The following SDK1 variants were observed in gnomAD, a reference collection of about 807,000 sequenced individuals.
SDK1 encodes sidekick cell adhesion molecule 1, also known as protein sidekick-1.
In SDK1, 157 loss-of-function variants were observed where a neutral mutation model predicts 245.5. The observed-to-expected ratio is 0.64, with a 90% CI of 0.56 to 0.73. SDK1 has a LOEUF of 0.73. Among genes scored for constraint, SDK1 ranks in the 30% least tolerant of loss-of-function variants. The pLI is 0.00. For synonymous variants in SDK1, 1,647 were observed against 1,278.5 expected, an observed-to-expected ratio of 1.29 and a Z score of -6.15; for missense variants, 3,583 against 3,002.3, an observed-to-expected ratio of 1.19 and a Z score of -4.52.
chr7:4,054,061 C>T (rs28690031), intron 19 of SDK1, among the ~76,000 whole-genome samples: 29 of 152,096 alleles, frequency 1.9e-4, no homozygotes, highest in Admixed American at 4.6e-4. Flanking sequence ...GCCTTGGCCT[C>T]TCAAGTAGCT....
At chr7:4,017,373 A>G (rs1428210006) in intron 17 of SDK1, 21 bp downstream of exon 17, 1 of 1,587,118 alleles carries the variant, frequency 6.3e-7, no homozygotes, top group East Asian at 2.3e-5. Context: ...CTCCAAAACC[A>G]CGAGGTGGCG....
intron 2 of SDK1, among the ~76,000 whole-genome samples, chr7:3,631,021 C>T (rs1322839351): frequency 6.6e-6 from 1 of 152,080 alleles, no homozygotes; most frequent in African/African-American, 2.4e-5. Context: ...CAGCTTCTGC[C>T]ACCCCAGCTC....
chr7:3,571,958 A>C (rs933894729), intron 1 of SDK1, among the ~76,000 whole-genome samples: 3 of 152,094 alleles, frequency 2.0e-5, no homozygotes, highest in Non-Finnish European at 4.4e-5. Flanking sequence ...TACCTAAGTT[A>C]CTTACTTGCT....
intron 1 of SDK1, among the ~76,000 whole-genome samples, chr7:3,406,642 C>T (rs371352248): frequency 2.6e-5 from 4 of 152,160 alleles, no homozygotes; most frequent in East Asian, 1.9e-4. Context: ...GGGCACTAAA[C>T]GAGAATAAAC....
chr7:3,810,458 A>G (rs566953553), intron 4 of SDK1, among the ~76,000 whole-genome samples: 9 of 152,156 alleles, frequency 5.9e-5, no homozygotes, highest in South Asian at 2.1e-4. Flanking sequence ...TGACCACACC[A>G]GGAATTTGGC....
At chr7:3,532,304 G>A (rs1474426813) in intron 1 of SDK1, among the ~76,000 whole-genome samples, 1 of 152,144 alleles carries the variant, frequency 6.6e-6, no homozygotes, top group African/African-American at 2.4e-5. Flanking sequence ...TCAGAGTGAG[G>A]GTGTAGGGAA....
At chr7:4,062,474 C>T (rs1033268926) in intron 19 of SDK1, among the ~76,000 whole-genome samples, 3 of 152,036 alleles carry the variant, frequency 2.0e-5, no homozygotes, top group African/African-American at 7.2e-5. Context: ...ATAACTCTCC[C>T]AACAAAGAAA....
chr7:4,059,980 C>T (rs187335390), intron 19 of SDK1, among the ~76,000 whole-genome samples: 126 of 151,616 alleles, frequency 8.3e-4, no homozygotes, highest in African/African-American at 2.8e-3. Context: ...CCCAGGTTCA[C>T]GCCATTGTCC....
intron 5 of SDK1, among the ~76,000 whole-genome samples, chr7:3,857,939 T>C (rs564258221): frequency 6.6e-6 from 1 of 152,282 alleles, no homozygotes; most frequent in Admixed American, 6.5e-5. Flanking sequence ...TGACGATTTT[T>C]AAAAGGAACA....
intron 1 of SDK1, among the ~76,000 whole-genome samples, chr7:3,595,175 G>C (rs1781012694): frequency 2.0e-5 from 3 of 150,642 alleles, no homozygotes; most frequent in South Asian, 4.3e-4. Context: ...AGCTTTTTCA[G>C]CTAGCTAATT....
intron 1 of SDK1, among the ~76,000 whole-genome samples, chr7:3,542,168 G>A (rs971807864): frequency 6.6e-6 from 1 of 152,162 alleles, no homozygotes; most frequent in Non-Finnish European, 1.5e-5. Flanking sequence ...CCCAATGATA[G>A]ATTTTTCTAA....
At chr7:3,563,210 A>C (rs1045763488) in intron 1 of SDK1, among the ~76,000 whole-genome samples, 8 of 152,194 alleles carry the variant, frequency 5.3e-5, no homozygotes, top group Non-Finnish European at 1.5e-5. Context: ...GGATGGAAAG[A>C]ATAAAACAAA....
intron 44 of SDK1, among the ~76,000 whole-genome samples, chr7:4,258,046 A>G (rs1192486373): frequency 6.6e-6 from 1 of 152,212 alleles, no homozygotes; most frequent in Non-Finnish European, 1.5e-5. Context: ...GTCTCCCGCC[A>G]GGCCCCCTTC....
At chr7:4,095,269 CCATATCTGAGGTCTTCCTCAGCTCCCCCA>C (rs1782074371) in intron 22 of SDK1, among the ~76,000 whole-genome samples, 1 of 138,668 alleles carries the variant, frequency 7.2e-6, no homozygotes, top group Non-Finnish European at 1.5e-5. Flanking sequence ...CTCAGCTCCC[CCATATCTGAGGTCTTCCTCAGCTCCCCCA>C]CATCTGAGCT....
intron 44 of SDK1, among the ~76,000 whole-genome samples, chr7:4,264,550 A>G (rs1187393246): frequency 9.6e-6 from 1 of 103,730 alleles, no homozygotes; most frequent in Non-Finnish European, 1.9e-5. Context: ...ACCTCTCCTG[A>G]GTGAGGGAGG....
At chr7:3,408,986 C>T (rs907259031) in intron 1 of SDK1, among the ~76,000 whole-genome samples, 1 of 152,192 alleles carries the variant, frequency 6.6e-6, no homozygotes, top group Non-Finnish European at 1.5e-5. Context: ...GTTCTCTCAG[C>T]CCTATTGACA....
intron 1 of SDK1, among the ~76,000 whole-genome samples, chr7:3,491,645 T>C (rs1328851948): frequency 6.6e-6 from 1 of 152,228 alleles, no homozygotes; most frequent in Non-Finnish European, 1.5e-5. Context: ...GAAGTCTTCT[T>C]GCAGTTACTA....
chr7:3,392,394 C>G (rs1341747252), intron 1 of SDK1, among the ~76,000 whole-genome samples: 4 of 151,930 alleles, frequency 2.6e-5, no homozygotes, highest in Admixed American at 2.6e-4. Flanking sequence ...ATCTTGTGAC[C>G]TTTTGACATG....
intron 1 of SDK1, among the ~76,000 whole-genome samples, chr7:3,319,590 C>G (rs904107042): frequency 2.0e-5 from 3 of 152,062 alleles, no homozygotes; most frequent in African/African-American, 7.2e-5. Flanking sequence ...CTTTGATAAT[C>G]TTATGTTTTT....
Sources: allele counts gnomAD v4.1 joint callset (sites outside exome capture counted in the v4.1 genomes callset), GRCh38; gene constraint gnomAD v4.1.1; transcripts MANE v1.5; gene names NCBI Gene and HGNC (gene_info 2026-07-23, HGNC 2026-07-21).